BARD1: variants seen among roughly 807,000 people sequenced by gnomAD.
BARD1 encodes the protein BRCA1 associated RING domain 1.
In BARD1, 73 loss-of-function variants were observed where a neutral mutation model predicts 77.0. The observed-to-expected ratio is 0.95, with a 90% CI of 0.79 to 1.15. BARD1 has a LOEUF of 1.15. BARD1 is among the 50% of genes most tolerant of loss of function. The pLI is 0.00. For synonymous variants in BARD1, 384 were observed against 338.0 expected (o/e 1.14, Z -1.49); for missense variants, 993 against 938.8 (o/e 1.06, Z -0.75).
At position 214,760,217 on chromosome 2, in the gene BARD1, G is replaced by A. The variant is rs753093150; in HGVS notation, c.1568+7265C>T. 2.6e-5 allele frequency among the ~76,000 whole-genome samples: 4 copies of A among 152,262 alleles called. No homozygotes were observed. The East Asian group carries it at 5.8e-4, about 22-fold the overall frequency. On this transcript the variant is annotated intron_variant, in intron 6 of 10. Coordinates refer to ENST00000260947, the MANE Select transcript of BARD1 (RefSeq NM_000465.4). ...TACATTATTATTATTATTTGAGACC[G>A]AGTCTCGCTCTGTCCCCCAGGTTGG... is the stretch of plus-strand genomic sequence containing the variant.
intron 1 of BARD1, among the ~76,000 whole-genome samples, chr2:214,808,004 CTGAG>C (rs1228313779): frequency 6.6e-6 from 1 of 152,250 alleles, no homozygotes; most frequent in Non-Finnish European, 1.5e-5. Flanking sequence ...ACTCACTTAT[CTGAG>C]TGTCACTTTT....
At chr2:214,754,027 C>A (rs1693581451) in intron 6 of BARD1, among the ~76,000 whole-genome samples, 2 of 152,078 alleles carry the variant, frequency 1.3e-5, no homozygotes, top group African/African-American at 4.8e-5. Context: ...AGCAGACAAT[C>A]TCAGGGTATT....
intron 2 of BARD1, among the ~76,000 whole-genome samples, chr2:214,794,818 C>A (rs1695687549): frequency 6.6e-6 from 1 of 152,136 alleles, no homozygotes; most frequent in South Asian, 2.1e-4. Flanking sequence ...ATAAAAACAG[C>A]TACCATAATT....
At chr2:214,736,361 A>AT (rs1330667346) in intron 9 of BARD1, among the ~76,000 whole-genome samples, 13 of 152,056 alleles carry the variant, frequency 8.5e-5, no homozygotes, top group African/African-American at 2.9e-4. Context: ...TTTATATGTG[A>AT]TTTTTTTATT....
chr2:214,726,016 A>G lies in BARD1; in HGVS notation c.*2660T>C. ...TCCTCTAGGCAGAGGTCACTTAACTATTAAATTTACAAGGCAGGTGCAAAA... is the reference window on the plus strand; with the variant it reads ...TCCTCTAGGCAGAGGTCACTTAACTGTTAAATTTACAAGGCAGGTGCAAAA... On this transcript the variant is annotated 3_prime_UTR_variant, in exon 11 of 11. Coordinates refer to ENST00000260947, the MANE Select transcript of BARD1 (RefSeq NM_000465.4). The G allele has an allele frequency of 4.6e-6, 1 of 218,938 alleles. No individual in the cohort carries two copies. The highest frequency in any genetic ancestry group is 6.6e-5 in the East Asian group (1 of 15,184). 13.6% of individuals were successfully genotyped at this position (218,938 alleles called of 1,614,324 possible).
At chr2:214,734,735 C>T (rs1692497349) in intron 9 of BARD1, among the ~76,000 whole-genome samples, 3 of 152,074 alleles carry the variant, frequency 2.0e-5, no homozygotes, top group Non-Finnish European at 4.4e-5. Context: ...TCTTAAAATA[C>T]CAATTTATTC....
rs1064796724 is a variant in BARD1, at chr2:214,728,739, C to A, written c.2271G>T (p.Lys757Asn). 6.2e-7 allele frequency: 1 copy of A among 1,614,186 alleles called. No individual in the cohort carries two copies. ...PERVRQGKVW[K>N]APSSWFIDCV... ...AGTCTATAAACCAGCTCGAAGGAGC[C>A]TTCCAGACTTTGCCCTGCCGAACCC... Residue 757 changes from lysine to asparagine, a missense_variant, in exon 11 of 11, where the codon AAG becomes AAT. Transcript: ENST00000260947.
chr2:214,755,249 G>A (rs1693640943), intron 6 of BARD1, among the ~76,000 whole-genome samples: 1 of 152,064 alleles, frequency 6.6e-6, no homozygotes, highest in Non-Finnish European at 1.5e-5. Context: ...CACTATACAA[G>A]GGAAGAAGAC....
chr2:214,767,727 C>T (rs1694283454), intron 5 of BARD1, 73 bp from the exon 6 acceptor site: 1 of 1,374,920 alleles, frequency 7.3e-7, no homozygotes, highest in African/African-American at 1.4e-5. Flanking sequence ...TAATATCACA[C>T]TTTAGAAAAA....
At chr2:214,736,485 T>TC (rs1692570265) in intron 9 of BARD1, among the ~76,000 whole-genome samples, 1 of 152,144 alleles carries the variant, frequency 6.6e-6, no homozygotes, top group Non-Finnish European at 1.5e-5. Context: ...AGCCAAGGAC[T>TC]GAACATTCTT....
intron 6 of BARD1, among the ~76,000 whole-genome samples, chr2:214,756,885 G>A (rs1357021720): frequency 1.3e-5 from 2 of 152,144 alleles, no homozygotes; most frequent in African/African-American, 2.4e-5. Context: ...AGTGTGTACT[G>A]CTCGGGTGAT....
At chr2:214,748,937 G>A (rs1340549754) in intron 7 of BARD1, among the ~76,000 whole-genome samples, 1 of 152,106 alleles carries the variant, frequency 6.6e-6, no homozygotes, top group Non-Finnish European at 1.5e-5. Flanking sequence ...ATAGTAAACA[G>A]AAGAGCCAGC....
At chr2:214,770,637 T>C (rs1327126402) in intron 4 of BARD1, among the ~76,000 whole-genome samples, 3 of 152,242 alleles carry the variant, frequency 2.0e-5, no homozygotes, top group African/African-American at 4.8e-5. Context: ...CCTTCCAGTT[T>C]TGAACTTTCT....
At chr2:214,758,574 C>T (rs1029606888) in intron 6 of BARD1, among the ~76,000 whole-genome samples, 2 of 152,144 alleles carry the variant, frequency 1.3e-5, no homozygotes, top group African/African-American at 2.4e-5. Context: ...TTCTTAACAA[C>T]ATTCTAAGAG....
chr2:214,757,435 ATG>A (rs1297730881), intron 6 of BARD1, among the ~76,000 whole-genome samples: 1 of 152,138 alleles, frequency 6.6e-6, no homozygotes, highest in African/African-American at 2.4e-5. Context: ...CCAGGTGTTC[ATG>A]TGTCATTGCT....
At chr2:214,772,341 T>C (rs1694540011) in intron 4 of BARD1, among the ~76,000 whole-genome samples, 1 of 152,068 alleles carries the variant, frequency 6.6e-6, no homozygotes, top group African/African-American at 2.4e-5. Flanking sequence ...CTGTAACAAG[T>C]GAGCAGATAA....
chr2:214,802,088 A>G lies in BARD1; in HGVS notation c.159-4971T>C, dbSNP rs150123728. 5.3e-4 allele frequency among the ~76,000 whole-genome samples: 80 copies of G among 152,232 alleles called. 2 individuals carry two copies. In the East Asian group the frequency reaches 0.015, roughly 29 times the overall value. On this transcript the variant is annotated intron_variant, in intron 1 of 10. Coordinates refer to ENST00000260947, the MANE Select transcript of BARD1 (RefSeq NM_000465.4). ...CTTGAAAACTAAATATTTTGTACAG[A>G]TGATCCCTGACTCACAATGGTTCGA...
In BARD1 at chr2:214,780,954, T is replaced by C. The variant is rs764215274; in HGVS notation, c.920A>G (p.Tyr307Cys). The change falls in exon 4 of 11, where the codon TAT (tyrosine) becomes TGT (cysteine). Residue 307 changes from tyrosine to cysteine, a missense_variant. By Grantham distance (194) the Tyr-to-Cys change is radical (BLOSUM62 -2). Coordinates refer to ENST00000260947, the MANE Select transcript of BARD1 (RefSeq NM_000465.4). ...TGGCAAAGATTTCTTAGATGTAAGA[T>C]AATTTTTGCAGACCTTCTCAGGAGT... is the stretch of plus-strand genomic sequence containing the variant. ...VVTPEKVCKN[Y>C]LTSKKSLPLE... 6.2e-7 allele frequency: 1 copy of C among 1,613,784 alleles called. No individual in the cohort carries two copies. Among genetic ancestry groups the C allele is most frequent in the Admixed American group, 1.7e-5 (1 of 59,936 alleles).
At chr2:214,804,749 G>A (rs985077531) in intron 1 of BARD1, among the ~76,000 whole-genome samples, 14 of 152,190 alleles carry the variant, frequency 9.2e-5, no homozygotes, top group Non-Finnish European at 5.9e-5. Flanking sequence ...ATTTGACCCT[G>A]TCTTAACTCT....
Sources: gnomAD v4.1 joint callset for allele counts (sites outside exome capture counted in the v4.1 genomes callset) on GRCh38, gnomAD v4.1.1 for gene constraint, MANE v1.5 for transcripts, NCBI Gene and HGNC (gene_info 2026-07-23, HGNC 2026-07-21) for gene names.